Variants in PTPN2 observed in about 807,000 individuals in gnomAD.
PTPN2 encodes the protein protein tyrosine phosphatase non-receptor type 2.
PTPN2 carries 19 observed loss-of-function variants against 57.3 expected under a neutral mutation model. The observed-to-expected ratio is 0.33, with a 90% confidence interval of 0.23 to 0.49. PTPN2 has a LOEUF of 0.49. PTPN2 is among the 20% of genes least tolerant of loss of function. PTPN2 has a pLI of 0.99. For synonymous variants in PTPN2, 153 were observed against 164.9 expected, an observed-to-expected ratio of 0.93 and a Z score of 0.55; for missense variants, 358 against 501.1, an observed-to-expected ratio of 0.71 and a Z score of 2.73.
chr18:12,870,902 C>A (rs1028512925), intron 1 of PTPN2, among the ~76,000 whole-genome samples: 2 of 152,022 alleles, frequency 1.3e-5, no homozygotes, highest in Admixed American at 6.6e-5. Flanking sequence ...AAAAATTAAA[C>A]CGTACAAAAG....
intron 1 of PTPN2, among the ~76,000 whole-genome samples, chr18:12,868,030 C>T (rs934189913): frequency 3.9e-5 from 6 of 152,158 alleles, no homozygotes; most frequent in African/African-American, 1.2e-4. Context: ...CCTGTGTGGC[C>T]GCTTACACTG....
At position 12,871,259 on chromosome 18, in the gene PTPN2, A is replaced by G. The variant is rs1434557561; in HGVS notation, c.70-12005T>C. 2.0e-5 allele frequency among the ~76,000 whole-genome samples: 3 copies of G among 152,222 alleles called. No individual in the cohort carries two copies. In the East Asian group the frequency reaches 5.8e-4, roughly 29 times the overall value. On this transcript the variant is annotated intron_variant, in intron 1 of 8. Transcript: ENST00000309660. Reference sequence around the variant, plus strand: ...GCTGTTATAAATAATGCTGCTATGAATAACCTTTCAAAGAAGCTATATCAA... The same window carrying G: ...GCTGTTATAAATAATGCTGCTATGAGTAACCTTTCAAAGAAGCTATATCAA...
At chr18:12,882,128 G>T (rs2044685844) in intron 1 of PTPN2, among the ~76,000 whole-genome samples, 1 of 152,168 alleles carries the variant, frequency 6.6e-6, no homozygotes, top group East Asian at 1.9e-4. Flanking sequence ...ATGTTCTAAG[G>T]CCACAGGAGA....
At chr18:12,838,513 C>T (rs2042944320) in intron 2 of PTPN2, among the ~76,000 whole-genome samples, 1 of 152,192 alleles carries the variant, frequency 6.6e-6, no homozygotes, top group Non-Finnish European at 1.5e-5. Flanking sequence ...GCTCTATAAG[C>T]ACAGTAACCA....
chr18:12,874,880 G>A (rs2044433510), intron 1 of PTPN2, among the ~76,000 whole-genome samples: 1 of 152,216 alleles, frequency 6.6e-6, no homozygotes, highest in South Asian at 2.1e-4. Context: ...GAAAGGTGGG[G>A]AAAAGATTGA....
intron 1 of PTPN2, among the ~76,000 whole-genome samples, chr18:12,870,269 A>ATGTGTGTGTGTG (rs1303533373): frequency 1.1e-5 from 1 of 94,252 alleles, no homozygotes; most frequent in African/African-American, 6.1e-5. Context: ...ATATATATAT[A>ATGTGTGTGTGTG]TATGTATATA....
chr18:12,870,426 CGTATATATATATGT>C (rs1168363666), intron 1 of PTPN2, among the ~76,000 whole-genome samples: 576 of 21,918 alleles, frequency 0.026, 10 homozygotes, highest in Non-Finnish European at 0.031. Flanking sequence ...TATATATATA[CGTATATATATATGT>C]GTATATATAT....
At chr18:12,815,946 G>A (rs1028289960) in intron 6 of PTPN2, among the ~76,000 whole-genome samples, 1 of 152,316 alleles carries the variant, frequency 6.6e-6, no homozygotes, top group South Asian at 2.1e-4. Context: ...CTGCAATGAA[G>A]CATAGCTACG....
At chr18:12,869,163 T>A (rs75507899) in intron 1 of PTPN2, 1 of 152,294 alleles carries the variant, frequency 6.6e-6, no homozygotes, top group Non-Finnish European at 1.5e-5. Flanking sequence ...AATAAACAAG[T>A]AAAATTTTAA....
chr18:12,816,261 T>A (rs3786156), intron 6 of PTPN2, among the ~76,000 whole-genome samples: 1 of 151,946 alleles, frequency 6.6e-6, no homozygotes, highest in African/African-American at 2.4e-5. Flanking sequence ...GATTGCACCA[T>A]TGTACTCCAG....
Position 12,792,977 on chromosome 18 carries a change from A to C in PTPN2, c.*1301T>G. The C allele has an allele frequency of 4.1e-6, 4 of 984,432 alleles. No homozygotes were observed. In the South Asian group the frequency reaches 1.9e-4, roughly 46 times the overall value. The allele number at this position is 984,432 out of a possible 1,614,324, so 61.0% of individuals were successfully genotyped here. A position where few individuals can be genotyped will look rare whatever the true frequency, so the allele number is the denominator to read the frequency against. On this transcript the variant is annotated 3_prime_UTR_variant, in exon 9 of 9. Transcript: ENST00000309660. ...TGTGGCATATAAAGAGACAAGGCAG[A>C]GATGCTGTGGTTGAAAGTAACCTCT...
intron 2 of PTPN2, among the ~76,000 whole-genome samples, chr18:12,850,559 C>T (rs1344834977): frequency 6.6e-6 from 1 of 151,898 alleles, no homozygotes; most frequent in Non-Finnish European, 1.5e-5. Flanking sequence ...GTTTTAGCTC[C>T]TTTACACAAG....
At chr18:12,879,740 G>C (rs2044607005) in intron 1 of PTPN2, among the ~76,000 whole-genome samples, 1 of 152,188 alleles carries the variant, frequency 6.6e-6, no homozygotes, top group Admixed American at 6.5e-5. Context: ...TTTCCCGCTA[G>C]AATTTCAACA....
At chr18:12,832,017 T>C (rs765596292) in intron 3 of PTPN2, among the ~76,000 whole-genome samples, 5 of 152,200 alleles carry the variant, frequency 3.3e-5, no homozygotes, top group African/African-American at 7.2e-5. Flanking sequence ...ACATGGAATG[T>C]AGCAGAGTGG....
At chr18:12,880,194 A>T (rs542413966) in intron 1 of PTPN2, among the ~76,000 whole-genome samples, 2 of 152,318 alleles carry the variant, frequency 1.3e-5, no homozygotes, top group South Asian at 4.1e-4. Flanking sequence ...AGTTGTGCCA[A>T]GGCAAAGAGA....
chr18:12,787,982 T>C (rs2040884437), downstream of PTPN2: 3 of 154,670 alleles, frequency 1.9e-5, no homozygotes, highest in African/African-American at 2.4e-5. Context: ...CCACCAGATA[T>C]CCACACTAAT....
chr18:12,837,599 C>A (rs2042911460), intron 2 of PTPN2, among the ~76,000 whole-genome samples: 2 of 152,068 alleles, frequency 1.3e-5, no homozygotes, highest in African/African-American at 4.8e-5. Context: ...AAGCATGACA[C>A]CAGGAGAAAA....
chr18:12,810,427 A>C (rs954634070), intron 7 of PTPN2, among the ~76,000 whole-genome samples: 2 of 151,984 alleles, frequency 1.3e-5, no homozygotes, highest in African/African-American at 4.8e-5. Context: ...TTAGCTGCAT[A>C]ATCAATGTAC....
At chr18:12,804,303 A>AAG (rs1555659736) in intron 7 of PTPN2, among the ~76,000 whole-genome samples, 2 of 150,626 alleles carry the variant, frequency 1.3e-5, no homozygotes, top group Non-Finnish European at 3.0e-5. Flanking sequence ...AAAAAAAAAA[A>AAG]AAAAAAGAAA....
Sources: allele counts gnomAD v4.1 joint callset (sites outside exome capture counted in the v4.1 genomes callset), GRCh38; gene constraint gnomAD v4.1.1; transcripts MANE v1.5; gene names NCBI Gene and HGNC (gene_info 2026-07-23, HGNC 2026-07-21).